The following RIT2 variants were observed in gnomAD, a reference collection of about 807,000 sequenced individuals.
RIT2 encodes GTP-binding protein Rit2.
Under a neutral mutation model 23.7 loss-of-function variants are expected in RIT2, and 24 were observed. The ratio of observed to expected loss-of-function variants is 1.01; its 90% CI spans 0.73 to 1.43. The LOEUF is 1.43. Among genes scored for constraint, RIT2 ranks in the 40% most tolerant of loss-of-function variants. The pLI, the probability that RIT2 is intolerant of heterozygous loss-of-function variation, is 0.00. For synonymous variants in RIT2, 107 were observed against 91.1 expected, an observed-to-expected ratio of 1.17 and a Z score of -0.99; for missense variants, 236 against 266.9, an observed-to-expected ratio of 0.88 and a Z score of 0.81.
chr18:42,769,341 T>A (rs182310290), intron 4 of RIT2, among the ~76,000 whole-genome samples: 22 of 152,274 alleles, frequency 1.4e-4, no homozygotes, highest in African/African-American at 5.3e-4. Flanking sequence ...AACATAGTTA[T>A]CAAGTTTTTT....
chr18:43,014,835 A>G (rs1389080606), intron 2 of RIT2, among the ~76,000 whole-genome samples: 3 of 151,738 alleles, frequency 2.0e-5, no homozygotes, highest in Non-Finnish European at 4.4e-5. Flanking sequence ...TCTTATGTAA[A>G]CTACATATAT....
At chr18:43,090,093 T>C (rs1446474257) in intron 1 of RIT2, among the ~76,000 whole-genome samples, 1 of 151,804 alleles carries the variant, frequency 6.6e-6, no homozygotes, top group Non-Finnish European at 1.5e-5. Flanking sequence ...ATCAACAGAG[T>C]GAACAGACAA....
chr18:42,858,069 T>C (rs1907233865), intron 4 of RIT2, among the ~76,000 whole-genome samples: 2 of 152,214 alleles, frequency 1.3e-5, no homozygotes, highest in African/African-American at 2.4e-5. Context: ...TAATCCCAGC[T>C]ACTCAGGAGA....
In RIT2 at chr18:42,830,889, T is replaced by C. The variant is rs564939481; in HGVS notation, c.427-87169A>G. On this transcript the variant is annotated intron_variant, in intron 4 of 4. Coordinates refer to ENST00000326695, the MANE Select transcript of RIT2 (RefSeq NM_002930.4). ...AGGTCTCCACTTAAAAACAGAATCA[T>C]GGGGTCACCAATTTTACTTTTGTCC... 8.5e-5 allele frequency among the ~76,000 whole-genome samples: 13 copies of C among 152,280 alleles called. No individual in the cohort carries two copies. In the East Asian group the frequency reaches 2.3e-3, roughly 27 times the overall value.
At position 43,097,413 on chromosome 18, in the gene RIT2, C is replaced by T. The variant is rs182816905; in HGVS notation, c.103+18004G>A. Among the ~76,000 whole-genome samples the T allele has an allele frequency of 2.0e-4, 30 of 151,744 alleles. No individual in the cohort carries two copies. The East Asian group carries it at 4.1e-3, about 21-fold the overall frequency. The stretch of plus-strand genomic sequence containing the variant: ...AATGTTAAATAAATAGCAAAGACAG[C>T]GAAAAGTAGAAATACTGAGAGGGAG... On this transcript the variant is annotated intron_variant, in intron 1 of 4. Coordinates refer to ENST00000326695, the MANE Select transcript of RIT2 (RefSeq NM_002930.4).
chr18:42,794,334 T>C (rs564273534), intron 4 of RIT2, among the ~76,000 whole-genome samples: 33 of 152,190 alleles, frequency 2.2e-4, no homozygotes, highest in African/African-American at 6.3e-4. Flanking sequence ...TTTTCAATCA[T>C]TGGAATCTTC....
chr18:42,935,929 C>T (rs1252039111), intron 3 of RIT2, among the ~76,000 whole-genome samples: 2 of 151,912 alleles, frequency 1.3e-5, no homozygotes, highest in African/African-American at 2.4e-5. Context: ...GTGGATTTGG[C>T]GCCCTATGCA....
intron 4 of RIT2, among the ~76,000 whole-genome samples, chr18:42,795,574 C>T (rs1025773626): frequency 2.0e-5 from 3 of 152,236 alleles, no homozygotes; most frequent in Admixed American, 6.5e-5. Flanking sequence ...CCCTGCTCCA[C>T]GGCGCCCAGT....
intron 1 of RIT2, among the ~76,000 whole-genome samples, chr18:43,072,413 C>A (rs1034478262): frequency 6.6e-6 from 1 of 152,112 alleles, no homozygotes; most frequent in Non-Finnish European, 1.5e-5. Context: ...ATCAGCCAGG[C>A]CTTTAGGGCT....
In RIT2 at chr18:42,838,992, T is replaced by G. The variant is rs575961086; in HGVS notation, c.426+84580A>C. ...CAACAAGACGTTCAAGCCAGATGGG[T>G]CCTGGCAATAGGCATCACAACACCC... On this transcript the variant is annotated intron_variant, in intron 4 of 4. Transcript: ENST00000326695. Among the ~76,000 whole-genome samples the G allele has an allele frequency of 2.6e-5, 4 of 152,270 alleles. No homozygotes were observed. In the South Asian group the frequency reaches 8.3e-4, roughly 32 times the overall value.
chr18:42,899,066 G>A (rs960982160), intron 4 of RIT2, among the ~76,000 whole-genome samples: 2 of 151,834 alleles, frequency 1.3e-5, no homozygotes, highest in Non-Finnish European at 2.9e-5. Context: ...TTGCGACTAT[G>A]TAAACATCCA....
intron 1 of RIT2, among the ~76,000 whole-genome samples, chr18:43,045,660 A>T (rs1467507222): frequency 2.6e-5 from 4 of 152,212 alleles, no homozygotes; most frequent in East Asian, 1.9e-4. Flanking sequence ...AGAATAGTCA[A>T]CTACCTACCT....
chr18:43,071,556 T>C (rs1406438914), intron 1 of RIT2, among the ~76,000 whole-genome samples: 1 of 152,188 alleles, frequency 6.6e-6, no homozygotes, highest in African/African-American at 2.4e-5. Context: ...TTGTTACCAG[T>C]ACACATATGT....
chr18:42,748,181 C>G (rs1350580476), intron 4 of RIT2, among the ~76,000 whole-genome samples: 1 of 151,836 alleles, frequency 6.6e-6, no homozygotes, highest in East Asian at 1.9e-4. Context: ...TCTCCAGAGT[C>G]TATACATTTG....
intron 1 of RIT2, among the ~76,000 whole-genome samples, chr18:43,114,214 A>C (rs1914016069): frequency 1.3e-5 from 2 of 152,130 alleles, no homozygotes; most frequent in South Asian, 4.1e-4. Context: ...TACTGACCAC[A>C]TCCAGATGTA....
intron 2 of RIT2, among the ~76,000 whole-genome samples, chr18:43,018,426 T>C (rs1445464215): frequency 2.6e-5 from 4 of 151,934 alleles, no homozygotes; most frequent in South Asian, 2.1e-4. Context: ...AATTTAACTA[T>C]ACATAGAAGT....
chr18:42,815,929 A>G (rs1239229619), intron 4 of RIT2, among the ~76,000 whole-genome samples: 1 of 152,186 alleles, frequency 6.6e-6, no homozygotes, highest in Admixed American at 6.5e-5. Context: ...ACCATAGACT[A>G]TACATGTTGA....
intron 3 of RIT2, among the ~76,000 whole-genome samples, chr18:42,971,751 G>A (rs1228977756): frequency 6.6e-6 from 1 of 151,906 alleles, no homozygotes; most frequent in Non-Finnish European, 1.5e-5. Flanking sequence ...CAATCACTGA[G>A]GACAAAGGGT....
Position 42,764,935 on chromosome 18 carries a change from C to T in RIT2, c.427-21215G>A, listed in dbSNP as rs1913386453. Among the ~76,000 whole-genome samples the T allele has an allele frequency of 2.0e-5, 3 of 152,142 alleles. 1 individual carries two copies. In the South Asian group the frequency reaches 6.2e-4, roughly 32 times the overall value. On this transcript the variant is annotated intron_variant, in intron 4 of 4. Transcript: ENST00000326695. ...AGCTGATTTGACACATTTGAGAGTC[C>T]ATTTATCTAAGCTATCTTGAAAAGT...
Sources: gnomAD v4.1 joint callset for allele counts (sites outside exome capture counted in the v4.1 genomes callset) on GRCh38, gnomAD v4.1.1 for gene constraint, MANE v1.5 for transcripts, NCBI Gene and HGNC (gene_info 2026-07-23, HGNC 2026-07-21) for gene names.